Variants in CSMD1 observed in about 807,000 individuals in gnomAD.
CSMD1 encodes the protein CUB and sushi domain-containing protein 1.
Under a neutral mutation model 417.5 loss-of-function variants are expected in CSMD1, and 213 were observed. The observed-to-expected ratio is 0.51, with a 90% confidence interval of 0.46 to 0.57. CSMD1 has a LOEUF of 0.57. CSMD1 is among the 20% of genes least tolerant of loss of function. The probability of loss-of-function intolerance (pLI) is 0.00; values close to 1 mark genes in which losing one functional copy is unlikely to be tolerated. For synonymous variants in CSMD1, 2,862 were observed against 1,736.8 expected, an observed-to-expected ratio of 1.65 and a Z score of -16.11; for missense variants, 6,923 against 4,529.7, an observed-to-expected ratio of 1.53 and a Z score of -15.17.
chr8:3,735,860 T>A (rs932393912), intron 6 of CSMD1, among the ~76,000 whole-genome samples: 15 of 152,320 alleles, frequency 9.8e-5, no homozygotes, highest in African/African-American at 3.6e-4. Context: ...AATTTATGCC[T>A]AGAATTTTTC....
At chr8:3,874,631 T>C (rs182018667) in intron 5 of CSMD1, among the ~76,000 whole-genome samples, 183 of 152,258 alleles carry the variant, frequency 1.2e-3, no homozygotes, top group African/African-American at 4.3e-3. Context: ...TGGAATATGT[T>C]TTTTGGTTTC....
At chr8:4,177,320 C>A (rs1344081576) in intron 3 of CSMD1, among the ~76,000 whole-genome samples, 1 of 151,984 alleles carries the variant, frequency 6.6e-6, no homozygotes, top group Non-Finnish European at 1.5e-5. Flanking sequence ...CAACCTGCTC[C>A]TGAATGAATA....
At chr8:4,883,478 G>A (rs1201937482) in intron 1 of CSMD1, among the ~76,000 whole-genome samples, 3 of 152,050 alleles carry the variant, frequency 2.0e-5, no homozygotes, top group East Asian at 1.9e-4. Flanking sequence ...ACCATTAGCA[G>A]TCAATTTATT....
intron 5 of CSMD1, among the ~76,000 whole-genome samples, chr8:3,857,701 A>C (rs1332969620): frequency 6.6e-6 from 1 of 152,192 alleles, no homozygotes; most frequent in Non-Finnish European, 1.5e-5. Flanking sequence ...ATAATCTTCA[A>C]ATACCAGGTG....
chr8:2,998,541 T>C (rs745517621), intron 53 of CSMD1, among the ~76,000 whole-genome samples: 2 of 152,236 alleles, frequency 1.3e-5, no homozygotes, highest in Non-Finnish European at 2.9e-5. Flanking sequence ...TCATGAGTTT[T>C]GAACATTTTC....
At chr8:3,287,015 G>C (rs1251960209) in intron 25 of CSMD1, among the ~76,000 whole-genome samples, 1 of 152,014 alleles carries the variant, frequency 6.6e-6, no homozygotes, top group African/African-American at 2.4e-5. Context: ...GTGTAAGGAA[G>C]GGATCCAGTT....
At chr8:4,711,811 A>C (rs1292121217) in intron 1 of CSMD1, among the ~76,000 whole-genome samples, 1 of 152,170 alleles carries the variant, frequency 6.6e-6, no homozygotes, top group Non-Finnish European at 1.5e-5. Context: ...AGCCTTAAAA[A>C]AGGTCCCGAA....
chr8:4,522,341 C>T (rs1271801594), intron 2 of CSMD1, among the ~76,000 whole-genome samples: 2 of 152,198 alleles, frequency 1.3e-5, no homozygotes, highest in Non-Finnish European at 2.9e-5. Flanking sequence ...AATCAAGCCT[C>T]TTGCTTTTGT....
intron 12 of CSMD1, among the ~76,000 whole-genome samples, chr8:3,461,027 G>C (rs1180879535): frequency 6.6e-6 from 1 of 152,126 alleles, no homozygotes. Context: ...CCCGTTGAGA[G>C]GATATTTGAA....
intron 10 of CSMD1, among the ~76,000 whole-genome samples, chr8:3,528,686 C>T (rs994726546): frequency 6.6e-6 from 1 of 152,166 alleles, no homozygotes; most frequent in African/African-American, 2.4e-5. Flanking sequence ...CTGCACCTCA[C>T]ACAAAAATGT....
chr8:4,423,849 C>G (rs7832058), intron 2 of CSMD1, among the ~76,000 whole-genome samples: 27,784 of 151,832 alleles, frequency 0.18, 2,782 homozygotes, highest in East Asian at 0.26. Context: ...TATTTGGTAT[C>G]GGCAGATTGG....
At chr8:3,448,403 GAAGGAAGGAAGGAA>G (rs1815464999) in intron 12 of CSMD1, among the ~76,000 whole-genome samples, 1 of 143,144 alleles carries the variant, frequency 7.0e-6, no homozygotes, top group African/African-American at 2.6e-5. Flanking sequence ...GGAAGGGAAG[GAAGGAAGGAAGGAA>G]GGGAAGGAAG....
intron 7 of CSMD1, among the ~76,000 whole-genome samples, chr8:3,640,092 G>T (rs867817704): frequency 4.7e-4 from 71 of 152,260 alleles, no homozygotes; most frequent in Middle Eastern, 3.4e-3. Flanking sequence ...AAAATTGAAG[G>T]CTCTCCCATG....
intron 3 of CSMD1, among the ~76,000 whole-genome samples, chr8:4,217,427 G>C (rs748521979): frequency 6.6e-6 from 1 of 152,058 alleles, no homozygotes; most frequent in South Asian, 2.1e-4. Context: ...TTTTATAATG[G>C]TGATATAAGA....
At chr8:2,998,630 G>A (rs764441134) in intron 53 of CSMD1, among the ~76,000 whole-genome samples, 10 of 152,278 alleles carry the variant, frequency 6.6e-5, no homozygotes, top group Non-Finnish European at 1.3e-4. Flanking sequence ...TAATGTCCAT[G>A]TATAAATTAT....
At chr8:3,596,896 A>G (rs1801121218) in intron 8 of CSMD1, among the ~76,000 whole-genome samples, 1 of 152,222 alleles carries the variant, frequency 6.6e-6, no homozygotes. Context: ...AGTTGGCACA[A>G]TGCAAGCGCT....
intron 45 of CSMD1, 73 bp from the exon 46 acceptor site, chr8:3,106,714 G>A (rs1487711904): frequency 5.5e-6 from 4 of 728,838 alleles, no homozygotes; most frequent in Middle Eastern, 2.4e-4. Flanking sequence ...GACACATGTA[G>A]GACTACTTAA....
chr8:4,499,738 A>C (rs1491000192), intron 2 of CSMD1, among the ~76,000 whole-genome samples: 1 of 152,244 alleles, frequency 6.6e-6, no homozygotes, highest in Non-Finnish European at 1.5e-5. Flanking sequence ...CATTGACAAG[A>C]ATATTAGAAA....
At chr8:3,867,540 G>T (rs1055351110) in intron 5 of CSMD1, among the ~76,000 whole-genome samples, 1 of 152,082 alleles carries the variant, frequency 6.6e-6, no homozygotes, top group African/African-American at 2.4e-5. Flanking sequence ...GACAACAGAA[G>T]GCTAGTGAGA....
Sources: gnomAD v4.1 joint callset for allele counts (sites outside exome capture counted in the v4.1 genomes callset) on GRCh38, gnomAD v4.1.1 for gene constraint, MANE v1.5 for transcripts, NCBI Gene and HGNC (gene_info 2026-07-23, HGNC 2026-07-21) for gene names.